KLF12: variants seen among roughly 807,000 people sequenced by gnomAD.
KLF12 encodes the protein Krueppel-like factor 12.
KLF12 carries 9 observed loss-of-function variants against 37.8 expected under a neutral mutation model. The ratio of observed to expected loss-of-function variants is 0.24; its 90% CI spans 0.14 to 0.42. The LOEUF (loss-of-function observed/expected upper bound fraction) is 0.42. Among genes scored for constraint, KLF12 ranks in the 10% least tolerant of loss-of-function variants. KLF12 has a pLI of 1.00. For synonymous variants in KLF12, 208 were observed against 202.1 expected (o/e 1.03, Z -0.25); for missense variants, 411 against 516.0 (o/e 0.80, Z 1.97).
chr13:73,891,589 T>A (rs1376317510), intron 3 of KLF12, among the ~76,000 whole-genome samples: 1 of 152,128 alleles, frequency 6.6e-6, no homozygotes, highest in Non-Finnish European at 1.5e-5. Flanking sequence ...ATAATTGTAA[T>A]CAAGACTGGT....
intron 3 of KLF12, among the ~76,000 whole-genome samples, chr13:73,876,434 A>G (rs1886708158): frequency 6.6e-6 from 1 of 152,216 alleles, no homozygotes; most frequent in African/African-American, 2.4e-5. Context: ...CATTGGGACA[A>G]TCTCCCTTTC....
intron 1 of KLF12, among the ~76,000 whole-genome samples, chr13:74,033,775 A>C (rs1410058541): frequency 6.6e-6 from 1 of 152,146 alleles, no homozygotes; most frequent in East Asian, 1.9e-4. Context: ...ACATACTCAT[A>C]ATTATATTTT....
chr13:74,287,625 A>G, the KLF12 span, among the ~76,000 whole-genome samples: 8 of 152,182 alleles, frequency 5.3e-5, no homozygotes, highest in Non-Finnish European at 4.4e-5. Context: ...CATCCCTGTG[A>G]TTTAGATTGC....
chr13:74,247,307 G>A, the KLF12 span, among the ~76,000 whole-genome samples: 7 of 152,284 alleles, frequency 4.6e-5, no homozygotes, highest in South Asian at 8.3e-4. Flanking sequence ...ATGGTGTGCA[G>A]GGGTGACATG....
At chr13:73,842,746 G>A (rs2138664654) in intron 4 of KLF12, among the ~76,000 whole-genome samples, 1 of 152,260 alleles carries the variant, frequency 6.6e-6, no homozygotes, top group Non-Finnish European at 1.5e-5. Flanking sequence ...CTTTGCTCAT[G>A]CATACCAGAA....
At chr13:73,928,147 C>T (rs1392487386) in intron 3 of KLF12, among the ~76,000 whole-genome samples, 1 of 152,226 alleles carries the variant, frequency 6.6e-6, no homozygotes, top group Non-Finnish European at 1.5e-5. Context: ...TGAGCCACCA[C>T]ACCTGGCCAA....
intron 1 of KLF12, among the ~76,000 whole-genome samples, chr13:74,065,889 G>A (rs913753542): frequency 1.3e-5 from 2 of 151,954 alleles, no homozygotes; most frequent in African/African-American, 2.4e-5. Context: ...CCCTCACAGA[G>A]GTTTTATGAA....
At chr13:73,960,560 C>A (rs1028506016) in intron 2 of KLF12, among the ~76,000 whole-genome samples, 1 of 152,116 alleles carries the variant, frequency 6.6e-6, no homozygotes, top group Admixed American at 6.5e-5. Context: ...GTAAAAGAGT[C>A]ATTTTGGTTC....
chr13:74,082,597 T>C lies in KLF12; in HGVS notation c.-32+51142A>G, dbSNP rs1874980802. ...TGTGTGCTGACTTAAACATCTGCTC[T>C]GCTAAGAAAGACCAAATACAAGTTG... On this transcript the variant is annotated intron_variant, in intron 1 of 7. Coordinates refer to ENST00000377669, the MANE Select transcript of KLF12 (RefSeq NM_007249.5). 2.6e-5 allele frequency among the ~76,000 whole-genome samples: 4 copies of C among 152,130 alleles called. No homozygotes were observed. In the South Asian group the frequency reaches 6.2e-4, roughly 24 times the overall value.
At chr13:73,789,356 A>C (rs1252705037) in intron 5 of KLF12, among the ~76,000 whole-genome samples, 1 of 152,176 alleles carries the variant, frequency 6.6e-6, no homozygotes, top group Non-Finnish European at 1.5e-5. Flanking sequence ...GAGCACCCTA[A>C]GGATTTTTGG....
At position 73,838,626 on chromosome 13, in the gene KLF12, G is replaced by T. The variant is rs187180020; in HGVS notation, c.670+7201C>A. Among the ~76,000 whole-genome samples the T allele has an allele frequency of 2.7e-3, 418 of 152,160 alleles. 1 individual carries two copies. Among genetic ancestry groups the T allele is most frequent in the African/African-American group, 9.5e-3 (396 of 41,522 alleles). ...CAAGTATGACACCATTTCAATAAAAGTCTTAATGTAATAAATATGTTTTGC... is the reference window on the plus strand; with the variant it reads ...CAAGTATGACACCATTTCAATAAAATTCTTAATGTAATAAATATGTTTTGC... On this transcript the variant is annotated intron_variant, in intron 4 of 7. Coordinates refer to ENST00000377669, the MANE Select transcript of KLF12 (RefSeq NM_007249.5).
chr13:74,289,983 A>G, the KLF12 span, among the ~76,000 whole-genome samples: 1 of 152,188 alleles, frequency 6.6e-6, no homozygotes, highest in African/African-American at 2.4e-5. Context: ...ATATTATATA[A>G]CAGTAACAGG....
rs56256469 is a variant in KLF12, at chr13:74,100,618, A to AATAT, written c.-32+33117_-32+33120dup. 2.6e-3 allele frequency among the ~76,000 whole-genome samples: 382 copies of AATAT among 149,360 alleles called. 3 individuals carry two copies. The highest frequency in any genetic ancestry group is 3.9e-3 in the East Asian group (20 of 5,064). On this transcript the variant is annotated intron_variant, in intron 1 of 7. Transcript: ENST00000377669. ...GGTGACAGAGCAAGAGTCCATCTCA[A>AATAT]ATATATATATATATATGTATAAACA...
chr13:73,749,863 G>A (rs550733366), intron 6 of KLF12, among the ~76,000 whole-genome samples: 1 of 152,282 alleles, frequency 6.6e-6, no homozygotes, highest in East Asian at 1.9e-4. Context: ...TGACAATACT[G>A]CAGAGGTATT....
At chr13:74,057,584 C>G (rs1482885498) in intron 1 of KLF12, among the ~76,000 whole-genome samples, 1 of 152,238 alleles carries the variant, frequency 6.6e-6, no homozygotes, top group African/African-American at 2.4e-5. Context: ...ACCTCCTAAA[C>G]TGGAATAACA....
At chr13:73,871,324 C>T (rs1407668919) in intron 3 of KLF12, among the ~76,000 whole-genome samples, 1 of 152,162 alleles carries the variant, frequency 6.6e-6, no homozygotes, top group Non-Finnish European at 1.5e-5. Context: ...GACTTCCATC[C>T]CTCCTTCTCT....
At chr13:73,813,127 T>C in intron 5 of KLF12, 25 bp downstream of exon 5, 2 of 1,611,078 alleles carry the variant, frequency 1.2e-6, no homozygotes, top group Non-Finnish European at 1.7e-6. Context: ...CAATTCTTAA[T>C]TCATCCTGTG....
At chr13:73,821,875 C>CT (rs1259448613) in intron 4 of KLF12, among the ~76,000 whole-genome samples, 1 of 152,204 alleles carries the variant, frequency 6.6e-6, no homozygotes, top group Non-Finnish European at 1.5e-5. Context: ...TTTTCCTTCT[C>CT]TAACTACATG....
upstream of KLF12, among the ~76,000 whole-genome samples, chr13:74,136,217 A>G (rs1318473476): frequency 6.6e-6 from 1 of 152,106 alleles, no homozygotes; most frequent in African/African-American, 2.4e-5. Context: ...TCGGGAACCC[A>G]GTGGGACTCG....
Sources: allele counts gnomAD v4.1 joint callset (sites outside exome capture counted in the v4.1 genomes callset), GRCh38; gene constraint gnomAD v4.1.1; transcripts MANE v1.5; gene names NCBI Gene and HGNC (gene_info 2026-07-23, HGNC 2026-07-21).